Variants in ENPP2 observed in about 807,000 individuals in gnomAD.
The protein encoded by ENPP2 is ectonucleotide pyrophosphatase/phosphodiesterase 2.
A neutral mutation model predicts 120.2 loss-of-function variants in ENPP2; 51 were observed. That is an observed-to-expected ratio of 0.42 (90% CI 0.34 to 0.54). The LOEUF (loss-of-function observed/expected upper bound fraction) is 0.54. ENPP2 is among the 20% of genes least tolerant of loss of function. ENPP2 has a pLI of 0.04. For synonymous variants in ENPP2, 365 were observed against 366.4 expected, an observed-to-expected ratio of 1.00 and a Z score of 0.04; for missense variants, 920 against 1,066.5, an observed-to-expected ratio of 0.86 and a Z score of 1.91.
Position 119,638,834 on chromosome 8 carries a change from T to C in ENPP2, c.-54A>G, listed in dbSNP as rs1374983367. On this transcript the variant is annotated 5_prime_UTR_variant, in exon 1 of 25. Transcript: ENST00000075322. ...GCGTGTTCTCTTTGCCTTCACGGAG[T>C]GCACTGCTTTGAGGCTCTGGGTTTA... The C allele has an allele frequency of 2.5e-6, 4 of 1,612,812 alleles. No homozygotes were observed. Among genetic ancestry groups the C allele is most frequent in the Non-Finnish European group, 3.4e-6 (4 of 1,178,996 alleles).
intron 19 of ENPP2, among the ~76,000 whole-genome samples, chr8:119,575,262 T>A (rs976423): frequency 0.23 from 34,720 of 151,810 alleles, 4,426 homozygotes; most frequent in East Asian, 0.35. Context: ...AGGCCATTAC[T>A]CTTCTGCTTG....
At position 119,662,416 on chromosome 8, in the gene ENPP2, C is replaced by T. The variant is rs183900957; in HGVS notation, c.21+10836G>A. Among the ~76,000 whole-genome samples, 230 of 152,080 alleles carry T rather than the reference C, an allele frequency of 1.5e-3. 1 individual carries two copies. The highest frequency in any genetic ancestry group is 5.2e-3 in the African/African-American group (215 of 41,490). ...ATGGGTCTCAAAGTGTGAACCCAAA[C>T]CAGTCAAAATAGCACTACCTGGGAA... On this transcript the variant is annotated intron_variant, in intron 1 of 25. Transcript: ENST00000427067.
At chr8:119,667,570 CAG>C (rs1238723672) in intron 1 of ENPP2, among the ~76,000 whole-genome samples, 2 of 152,192 alleles carry the variant, frequency 1.3e-5, no homozygotes, top group African/African-American at 4.8e-5. Flanking sequence ...AGCATTCCTG[CAG>C]TCTGTCACCA....
At chr8:119,612,878 A>G (rs1401434107) in intron 8 of ENPP2, among the ~76,000 whole-genome samples, 1 of 149,634 alleles carries the variant, frequency 6.7e-6, no homozygotes, top group East Asian at 1.9e-4. Flanking sequence ...CGACTATACT[A>G]AGATGTTGTC....
chr8:119,612,060 AT>A (rs1815150421), intron 8 of ENPP2, among the ~76,000 whole-genome samples: 1 of 152,096 alleles, frequency 6.6e-6, no homozygotes, highest in African/African-American at 2.4e-5. Context: ...AGATTTCCAA[AT>A]TTATGATAGT....
chr8:119,669,808 A>C (rs1818188530), intron 1 of ENPP2, among the ~76,000 whole-genome samples: 1 of 152,200 alleles, frequency 6.6e-6, no homozygotes, highest in Non-Finnish European at 1.5e-5. Flanking sequence ...CTTGAGAACA[A>C]CTTCAAGTTT....
intron 1 of ENPP2, among the ~76,000 whole-genome samples, chr8:119,672,474 C>T (rs1157023835): frequency 3.3e-5 from 5 of 152,146 alleles, no homozygotes; most frequent in Non-Finnish European, 7.4e-5. Flanking sequence ...CCCTTTGACC[C>T]CCTCTCCGCA....
chr8:119,623,193 C>T lies in ENPP2; in HGVS notation c.293-1674G>A, dbSNP rs117780268. 1.6e-3 allele frequency among the ~76,000 whole-genome samples: 250 copies of T among 152,270 alleles called. 3 individuals carry two copies. In the East Asian group the frequency reaches 0.042, roughly 25 times the overall value. On this transcript the variant is annotated intron_variant, in intron 3 of 24. Transcript: ENST00000075322. ...ATAAAGAGATATTACGGGCCAGGCTCAGTGGCTCATGTCTGTAATCCCAGC... is the reference window on the plus strand; with the variant it reads ...ATAAAGAGATATTACGGGCCAGGCTTAGTGGCTCATGTCTGTAATCCCAGC...
chr8:119,569,210 T>C (rs1814744900), intron 21 of ENPP2, 25 bp downstream of exon 21: 1 of 1,612,246 alleles, frequency 6.2e-7, no homozygotes, highest in Non-Finnish European at 8.5e-7. Flanking sequence ...TCTGAAGGCA[T>C]CAGATCTTGA....
chr8:119,629,049 T>C (rs1246629666), intron 2 of ENPP2, among the ~76,000 whole-genome samples: 2 of 152,196 alleles, frequency 1.3e-5, no homozygotes, highest in Non-Finnish European at 2.9e-5. Flanking sequence ...CCATACAATA[T>C]ATGTGCGTGT....
At position 119,583,753 on chromosome 8, in the gene ENPP2, G is replaced by T. The variant is rs757256892; in HGVS notation, c.1507C>A (p.Pro503Thr). The change falls in exon 17 of 25, where the codon CCA becomes ACA. Residue 503 changes from proline to threonine, a missense_variant. By Grantham distance (38) the Pro-to-Thr change is conservative (BLOSUM62 -1). Transcript: ENST00000075322. ...TTGTAAAGTTCAATGTTTTCAAATGGAGGCACTTTAGTCTTGTACTTAAAT... is the reference window on the plus strand; with the variant it reads ...TTGTAAAGTTCAATGTTTTCAAATGTAGGCACTTTAGTCTTGTACTTAAAT... The part of the protein sequence containing the change: ...STFKYKTKVP[P>T]FENIELYNVM... 1.9e-6 allele frequency: 3 copies of T among 1,600,630 alleles called. No individual in the cohort carries two copies. The African/African-American group carries it at 4.0e-5, about 21-fold the overall frequency.
At chr8:119,624,610 A>G (rs6469835) in intron 3 of ENPP2, among the ~76,000 whole-genome samples, 48,137 of 152,040 alleles carry the variant, frequency 0.32, 8,313 homozygotes, top group East Asian at 0.45. Flanking sequence ...AGTAAAACTC[A>G]GGGAAATATT....
chr8:119,583,783 A>G lies in ENPP2; in HGVS notation c.1477T>C (p.Ser493Pro), dbSNP rs10283100. 0.95 allele frequency: 1,518,947 copies of G among 1,598,532 alleles called. 722,030 individuals carry two copies. The highest frequency in any genetic ancestry group is 1 in the East Asian group (44,786 of 44,788). ...SMQTVFVGYG[S>P]TFKYKTKVPP... ...ACTTTAGTCTTGTACTTAAATGTTG[A>G]GCCATAACCTACAAAAACAGTCTTC... The change falls in exon 17 of 25, where the codon TCA (serine) becomes CCA (proline). Residue 493 changes from serine (S) to proline (P), a missense_variant. By Grantham distance (74) the Ser-to-Pro change is moderately conservative (BLOSUM62 -1). Coordinates refer to ENST00000075322, the MANE Select transcript of ENPP2 (RefSeq NM_001040092.3).
At chr8:119,557,809 C>A (rs1587300328) in intron 24 of ENPP2, 118 bp from the exon 25 acceptor site, 3 of 751,154 alleles carry the variant, frequency 4.0e-6, no homozygotes, top group Non-Finnish European at 6.2e-6. Context: ...AGAGCCAACG[C>A]ATGTTGATCC....
intron 1 of ENPP2, among the ~76,000 whole-genome samples, chr8:119,655,816 T>C (rs1270676468): frequency 2.6e-5 from 4 of 152,172 alleles, no homozygotes. Context: ...CAAATTCAGG[T>C]CCGCCCAGCC....
chr8:119,596,097 T>A, intron 11 of ENPP2: 3 of 1,195,832 alleles, frequency 2.5e-6, no homozygotes, highest in Non-Finnish European at 3.6e-6. Flanking sequence ...ATCAGCAGAG[T>A]CTCAGAATAA....
chr8:119,624,483 A>G (rs566784991), intron 3 of ENPP2, among the ~76,000 whole-genome samples: 1 of 152,110 alleles, frequency 6.6e-6, no homozygotes, highest in Admixed American at 6.5e-5. Context: ...ATTTAAATTT[A>G]AAAAAAATGC....
intron 2 of ENPP2, among the ~76,000 whole-genome samples, chr8:119,630,957 C>T (rs1403810924): frequency 2.0e-5 from 3 of 150,152 alleles, no homozygotes; most frequent in South Asian, 2.1e-4. Flanking sequence ...TGTAATGGTG[C>T]GATCTCGGCT....
intron 24 of ENPP2, 75 bp downstream of exon 24, chr8:119,562,782 A>T: frequency 7.3e-7 from 1 of 1,370,990 alleles, no homozygotes. Context: ...TTCTAGTTCA[A>T]TGATGGAAAT....
Sources: allele counts gnomAD v4.1 joint callset (sites outside exome capture counted in the v4.1 genomes callset), GRCh38; gene constraint gnomAD v4.1.1; transcripts MANE v1.5; gene names NCBI Gene and HGNC (gene_info 2026-07-23, HGNC 2026-07-21).